Variants in MYOT observed in about 807,000 individuals in gnomAD.
The protein encoded by MYOT is myotilin.
Under a neutral mutation model 58.0 loss-of-function variants are expected in MYOT, and 36 were observed. The ratio of observed to expected loss-of-function variants is 0.62; its 90% CI spans 0.48 to 0.82. The LOEUF is 0.82. MYOT is among the 40% of genes least tolerant of loss of function. MYOT has a pLI of 0.00. For synonymous variants in MYOT, 218 were observed against 204.6 expected, an observed-to-expected ratio of 1.07 and a Z score of -0.56; for missense variants, 505 against 592.1, an observed-to-expected ratio of 0.85 and a Z score of 1.53.
intron 5 of MYOT, among the ~76,000 whole-genome samples, chr5:137,881,561 G>A (rs1561662982): frequency 6.6e-6 from 1 of 152,184 alleles, no homozygotes; most frequent in Non-Finnish European, 1.5e-5. Context: ...CTACTCGGGA[G>A]GCTGAGGTAA....
At chr5:137,878,570 A>C (rs1755308768) in intron 4 of MYOT, among the ~76,000 whole-genome samples, 1 of 151,964 alleles carries the variant, frequency 6.6e-6, no homozygotes, top group Non-Finnish European at 1.5e-5. Flanking sequence ...CACGCCTGTA[A>C]TCCCAGCACT....
chr5:137,872,289 T>C lies in MYOT; in HGVS notation c.356+1282T>C, dbSNP rs115042379. On this transcript the variant is annotated intron_variant, in intron 2 of 9. Coordinates refer to ENST00000239926, the MANE Select transcript of MYOT (RefSeq NM_006790.3). Reference sequence around the variant, plus strand: ...CCAAATTCCCTTTATAATATATAGATCTTTCTTGGTTATATTTACCCAGAT... The same window carrying C: ...CCAAATTCCCTTTATAATATATAGACCTTTCTTGGTTATATTTACCCAGAT... 1.7e-3 allele frequency among the ~76,000 whole-genome samples: 257 copies of C among 152,270 alleles called. 1 individual carries two copies. The highest frequency in any genetic ancestry group is 5.5e-3 in the African/African-American group (230 of 41,572).
At chr5:137,880,622 C>A in intron 4 of MYOT, 194 bp from the exon 5 acceptor site, 1 of 533,088 alleles carries the variant, frequency 1.9e-6, no homozygotes, top group Non-Finnish European at 3.4e-6. Context: ...CCCATTAATT[C>A]TGGGCTTCTT....
intron 5 of MYOT, 69 bp from the exon 6 acceptor site, chr5:137,881,904 A>G (rs2149986820): frequency 6.3e-7 from 1 of 1,575,266 alleles, no homozygotes; most frequent in East Asian, 2.2e-5. Context: ...TGATGGCTAA[A>G]CTATATTTGT....
chr5:137,870,288 GACACACACACACACAC>G (rs35301804), intron 1 of MYOT, among the ~76,000 whole-genome samples, 137 bp from the exon 2 acceptor site: 33 of 127,010 alleles, frequency 2.6e-4, no homozygotes, highest in African/African-American at 9.6e-4. Flanking sequence ...GATTAAGCAA[GACACACACACACACAC>G]ACACACACAC....
chr5:137,886,070 A>G lies in MYOT; in HGVS notation c.1047A>G (p.Pro349=), dbSNP rs371014431. Residue 349 remains proline (P), a synonymous_variant, in exon 8 of 10, where the codon CCA becomes CCG. Coordinates refer to ENST00000239926, the MANE Select transcript of MYOT (RefSeq NM_006790.3). ...TAGCAAAAGAACATAAAAGAGCACC[A>G]ATGTTTATCTACAAACCACAGAGCA... The part of the protein sequence containing the change: ...DVLAKEHKRA[P]MFIYKPQSKK... 8 of 1,601,464 alleles carry G rather than the reference A, an allele frequency of 5.0e-6. No individual in the cohort carries two copies. Among genetic ancestry groups the G allele is most frequent in the Admixed American group, 1.7e-5 (1 of 59,978 alleles).
In MYOT at chr5:137,881,970, T is replaced by C. The variant is rs781105394; in HGVS notation, c.684-3T>C. 3.1e-6 allele frequency: 5 copies of C among 1,613,662 alleles called. No homozygotes were observed. The Admixed American group carries it at 5.0e-5, about 16-fold the overall frequency. On this transcript the variant is annotated splice_region_variant and splice_polypyrimidine_tract_variant and intron_variant, in intron 5 of 9. Coordinates refer to ENST00000239926, the MANE Select transcript of MYOT (RefSeq NM_006790.3). ...CATAGTTGTTACCAAAATATTCTTG[T>C]AGAAGTAGATCAACCTCAAGGGGAG...
chr5:137,887,075 G>A, intron 9 of MYOT, 78 bp downstream of exon 9: 1 of 1,563,184 alleles, frequency 6.4e-7, no homozygotes, highest in Non-Finnish European at 8.8e-7. Context: ...TCCCAGCAGA[G>A]TATAAAATTT....
intron 7 of MYOT, 23 bp downstream of exon 7, chr5:137,883,614 G>C (rs1755507882): frequency 6.2e-7 from 1 of 1,600,546 alleles, no homozygotes; most frequent in Non-Finnish European, 8.6e-7. Context: ...AGAGACCCTT[G>C]AGAATTCCTT....
chr5:137,869,220 A>C (rs920999981), intron 1 of MYOT, among the ~76,000 whole-genome samples: 2 of 152,186 alleles, frequency 1.3e-5, no homozygotes, highest in Non-Finnish European at 2.9e-5. Flanking sequence ...TAAAAGTTTG[A>C]TTTGTCATTA....
At chr5:137,869,171 C>T (rs762413739) in intron 1 of MYOT, among the ~76,000 whole-genome samples, 2 of 152,010 alleles carry the variant, frequency 1.3e-5, no homozygotes, top group African/African-American at 2.4e-5. Context: ...TAGAAGACTT[C>T]GTTTCAATGA....
At chr5:137,874,730 C>T (rs1580852056) in intron 2 of MYOT, among the ~76,000 whole-genome samples, 1 of 152,278 alleles carries the variant, frequency 6.6e-6, no homozygotes, top group East Asian at 1.9e-4. Flanking sequence ...ATTTCTTTCT[C>T]CTTCCTCAAA....
chr5:137,877,521 G>T lies in MYOT; in HGVS notation c.533G>T (p.Arg178Leu), dbSNP rs150293853. 1.2e-6 allele frequency: 2 copies of T among 1,605,466 alleles called. No individual in the cohort carries two copies. The highest frequency in any genetic ancestry group is 3.3e-5 in the Admixed American group (2 of 59,948). The stretch of plus-strand genomic sequence containing the variant: ...ACTGTCTCAATAAATTCTCTAAAGC[G>T]TCTAACATATGAAGAGAAGATGGCT... ...KDTLLHNGNQ[R>L]LTYEEKMARR... The change falls in exon 4 of 10, where the codon CGT (arginine) becomes CTT (leucine). Residue 178 changes from arginine to leucine, a missense_variant and splice_region_variant. Coordinates refer to ENST00000239926, the MANE Select transcript of MYOT (RefSeq NM_006790.3).
intron 1 of MYOT, among the ~76,000 whole-genome samples, chr5:137,868,568 T>C (rs1240926730): frequency 6.6e-6 from 1 of 152,184 alleles, no homozygotes; most frequent in African/African-American, 2.4e-5. Flanking sequence ...CACTAATTAT[T>C]AACAATGTAG....
intron 4 of MYOT, among the ~76,000 whole-genome samples, chr5:137,880,442 T>C (rs1309048270): frequency 2.0e-5 from 3 of 152,202 alleles, no homozygotes; most frequent in African/African-American, 7.2e-5. Context: ...CCAATACAAG[T>C]GACTTCATGT....
intron 2 of MYOT, 58 bp downstream of exon 2, chr5:137,871,065 G>C: frequency 1.4e-6 from 2 of 1,449,312 alleles, no homozygotes; most frequent in East Asian, 4.8e-5. Flanking sequence ...GAGTTTGCGA[G>C]GGGGTAGGAG....
At chr5:137,879,499 T>C (rs967350803) in intron 4 of MYOT, among the ~76,000 whole-genome samples, 4 of 150,218 alleles carry the variant, frequency 2.7e-5, no homozygotes, top group East Asian at 2.0e-4. Flanking sequence ...AGCAATATTA[T>C]ACTGATGATG....
chr5:137,887,512 T>C lies in MYOT; in HGVS notation c.*127T>C, dbSNP rs568526564. ...TTAATTAGGTAATATAGTTAATATA[T>C]ATTTATAATATTATTTATCCTTTGA... On this transcript the variant is annotated 3_prime_UTR_variant, in exon 10 of 10. Transcript: ENST00000239926. 1 of 627,970 alleles carries C rather than the reference T, an allele frequency of 1.6e-6. No individual in the cohort carries two copies. The allele number at this position is 627,970 out of a possible 1,614,324, so 38.9% of individuals were successfully genotyped here. A position where few individuals can be genotyped will look rare whatever the true frequency, so the allele number is the denominator to read the frequency against.
chr5:137,873,364 T>TA lies in MYOT; in HGVS notation c.356+2367dup, dbSNP rs572041487. Among the ~76,000 whole-genome samples, 36 of 147,472 alleles carry TA rather than the reference T, an allele frequency of 2.4e-4. 1 individual carries two copies. The highest frequency in any genetic ancestry group is 6.4e-4 in the South Asian group (3 of 4,660). Reference sequence around the variant, plus strand: ...CAACATGGTGAAACCCTGTCTCTACTAAAAAAAAAATACAAAAAAATTAGC... The same window carrying TA: ...CAACATGGTGAAACCCTGTCTCTACTAAAAAAAAAAATACAAAAAAATTAGC... On this transcript the variant is annotated intron_variant, in intron 2 of 9. Transcript: ENST00000239926.
Sources: allele counts gnomAD v4.1 joint callset (sites outside exome capture counted in the v4.1 genomes callset), GRCh38; gene constraint gnomAD v4.1.1; transcripts MANE v1.5; gene names NCBI Gene and HGNC (gene_info 2026-07-23, HGNC 2026-07-21).